The following SDK2 variants were observed in gnomAD, a reference collection of about 807,000 sequenced individuals.
SDK2 encodes the protein protein sidekick-2.
In SDK2, 105 loss-of-function variants were observed where a neutral mutation model predicts 253.9. The ratio of observed to expected loss-of-function variants is 0.41; its 90% CI spans 0.35 to 0.49. The LOEUF is 0.49. Among genes scored for constraint, SDK2 ranks in the 20% least tolerant of loss-of-function variants. The probability of loss-of-function intolerance (pLI) is 0.06; values close to 1 mark genes in which losing one functional copy is unlikely to be tolerated. For synonymous variants in SDK2, 1,249 were observed against 1,234.9 expected, an observed-to-expected ratio of 1.01 and a Z score of -0.24; for missense variants, 2,608 against 3,003.0, an observed-to-expected ratio of 0.87 and a Z score of 3.07.
At chr17:73,375,766 G>T (rs2062773289) in intron 36 of SDK2, among the ~76,000 whole-genome samples, 1 of 151,600 alleles carries the variant, frequency 6.6e-6, no homozygotes, top group Non-Finnish European at 1.5e-5. Context: ...TGAGGTGGGA[G>T]AATCACTTGA....
chr17:73,638,717 A>C (rs1469063532), intron 1 of SDK2, among the ~76,000 whole-genome samples: 1 of 152,148 alleles, frequency 6.6e-6, no homozygotes, highest in Non-Finnish European at 1.5e-5. Context: ...ACACATTATA[A>C]GAACTTAACA....
rs137921116 is a variant in SDK2 at position 73,401,187 on chromosome 17, T to C, written c.2804A>G (p.Tyr935Cys). ...GGTCACACGGGTGTTGGTTCGATTG[T>C]ACTCCTCCCAGGAGATCCGGTACCC... ...LTGYRISWEE[Y>C]NRTNTRVTHY... The change falls in exon 21 of 45, where the codon TAC (tyrosine) becomes TGC (cysteine). Residue 935 changes from tyrosine to cysteine, a missense_variant. This residue lies in a region of SDK2 where 1,505 missense variants were observed against 1,859.1 expected (regional missense o/e 0.81). Coordinates refer to ENST00000392650, the MANE Select transcript of SDK2 (RefSeq NM_001144952.2). The C allele has an allele frequency of 1.9e-3, 2,904 of 1,554,402 alleles. 4 individuals carry two copies. The highest frequency in any genetic ancestry group is 2.1e-3 in the Non-Finnish European group (2,378 of 1,148,578).
Position 73,436,000 on chromosome 17 carries a change from C to A in SDK2, c.1001-356G>T, listed in dbSNP as rs2063365327. On this transcript the variant is annotated intron_variant, in intron 8 of 44. Coordinates refer to ENST00000392650, the MANE Select transcript of SDK2 (RefSeq NM_001144952.2). This position sits in a 1 kb window ranked among gnomAD's most constrained non-coding sequence, Gnocchi z 5.7. ...AACTCTTGGTTTCAAGCGTTCCTCC[C>A]ACCTCAGCCTCCCAAAGTGCTAGGA... Among the ~76,000 whole-genome samples the A allele has an allele frequency of 6.6e-6, 1 of 152,116 alleles. No individual in the cohort carries two copies. Among genetic ancestry groups the A allele is most frequent in the African/African-American group, 2.4e-5 (1 of 41,420 alleles).
At chr17:73,368,639 A>G (rs1568368634) in intron 36 of SDK2, 46 bp from the exon 37 acceptor site, 1 of 1,450,328 alleles carries the variant, frequency 6.9e-7, no homozygotes, top group East Asian at 2.5e-5. Context: ...AGGGGCAATG[A>G]GAGTCCCTCC....
chr17:73,507,902 C>T (rs949166234), intron 1 of SDK2, among the ~76,000 whole-genome samples: 1 of 152,250 alleles, frequency 6.6e-6, no homozygotes, highest in Non-Finnish European at 1.5e-5. Flanking sequence ...GCATACACAT[C>T]CACTCCATCC....
chr17:73,505,876 GCTGA>G (rs2063931613), intron 2 of SDK2, among the ~76,000 whole-genome samples: 1 of 152,242 alleles, frequency 6.6e-6, no homozygotes. Flanking sequence ...AGGGACAAGG[GCTGA>G]CTGTTTTCAA....
chr17:73,414,831 A>G, intron 17 of SDK2, 72 bp from the exon 18 acceptor site: 1 of 945,494 alleles, frequency 1.1e-6, no homozygotes, highest in Non-Finnish European at 1.7e-6. Flanking sequence ...TCAGTAGAGA[A>G]AACGCAGGGG....
At chr17:73,506,681 G>A (rs2063938194) in intron 2 of SDK2, among the ~76,000 whole-genome samples, 1 of 152,248 alleles carries the variant, frequency 6.6e-6, no homozygotes, top group Non-Finnish European at 1.5e-5. Context: ...CAGGGTTGGA[G>A]CCAATAAAAC....
At position 73,443,714 on chromosome 17, in the gene SDK2, G is replaced by A. The variant is rs1258258432; in HGVS notation, c.614-2791C>T. Among the ~76,000 whole-genome samples the A allele has an allele frequency of 1.3e-5, 2 of 152,198 alleles. No individual in the cohort carries two copies. The highest frequency in any genetic ancestry group is 2.9e-5 in the Non-Finnish European group (2 of 68,036). On this transcript the variant is annotated intron_variant, in intron 5 of 44. Coordinates refer to ENST00000392650, the MANE Select transcript of SDK2 (RefSeq NM_001144952.2). The surrounding 1 kb of genome is among the most constrained non-coding windows in gnomAD (Gnocchi z 4.6). ...GCTGGCACAGTGAGAAAGGGTCCCA[G>A]GGGTGAGGAAGACCTGGGCTCAAAG...
intron 2 of SDK2, among the ~76,000 whole-genome samples, chr17:73,506,233 C>T (rs1276853235): frequency 6.6e-6 from 1 of 152,162 alleles, no homozygotes; most frequent in East Asian, 1.9e-4. Context: ...GCTCTGGCCC[C>T]CAACTGAAAA....
At chr17:73,356,363 C>T (rs550693626) in intron 40 of SDK2, among the ~76,000 whole-genome samples, 30 of 152,300 alleles carry the variant, frequency 2.0e-4, no homozygotes, top group African/African-American at 3.6e-4. Context: ...TGGAATGTCA[C>T]GCTGGGGCTC....
chr17:73,633,742 T>C (rs2046297084), intron 1 of SDK2, among the ~76,000 whole-genome samples: 1 of 152,172 alleles, frequency 6.6e-6, no homozygotes, highest in Non-Finnish European at 1.5e-5. Context: ...TATTAAAAGA[T>C]AATTCAGAAT....
intron 1 of SDK2, among the ~76,000 whole-genome samples, chr17:73,571,637 A>G (rs2045388359): frequency 6.6e-6 from 1 of 152,182 alleles, no homozygotes; most frequent in Non-Finnish European, 1.5e-5. Flanking sequence ...AGGGCCGAGG[A>G]GCTCCGAGAG....
intron 1 of SDK2, among the ~76,000 whole-genome samples, chr17:73,543,898 A>T (rs1426884700): frequency 6.6e-6 from 1 of 152,160 alleles, no homozygotes; most frequent in Non-Finnish European, 1.5e-5. Context: ...CATCACGGGG[A>T]AGAGGCAGTC....
In SDK2 at chr17:73,352,522, G is replaced by A; in HGVS notation, c.5709C>T (p.Val1903=). 2 of 1,613,970 alleles carry A rather than the reference G, an allele frequency of 1.2e-6. No homozygotes were observed. The highest frequency in any genetic ancestry group is 1.7e-6 in the Non-Finnish European group (2 of 1,179,886). ...TGGGGGTGCCGAAACCATAGTCGTT[G>A]ACCGCGATGACCCGGAAGTCATAGC... ...GVSYDFRVIA[V]NDYGFGTPSS... Residue 1903 remains valine, a synonymous_variant, in exon 41 of 45, where the codon GTC becomes GTT. Coordinates refer to ENST00000392650, the MANE Select transcript of SDK2 (RefSeq NM_001144952.2). The surrounding 1 kb of genome is among the most constrained non-coding windows in gnomAD (Gnocchi z 4.1).
chr17:73,487,490 G>GGGAGGGCCA (rs1567801503), intron 2 of SDK2, among the ~76,000 whole-genome samples: 1 of 152,200 alleles, frequency 6.6e-6, no homozygotes, highest in African/African-American at 2.4e-5. Context: ...CAGATGGGGC[G>GGGAGGGCCA]GGAGGGCCAG....
intron 1 of SDK2, among the ~76,000 whole-genome samples, chr17:73,608,258 T>G (rs1291056408): frequency 6.6e-6 from 1 of 151,994 alleles, no homozygotes; most frequent in Non-Finnish European, 1.5e-5. Flanking sequence ...TTCTCTGATG[T>G]GTTTCTCATG....
At position 73,469,985 on chromosome 17, in the gene SDK2, C is replaced by CGT. The variant is rs1187608704; in HGVS notation, c.331+2126_331+2127insAC. 3.9e-3 allele frequency among the ~76,000 whole-genome samples: 362 copies of CGT among 92,844 alleles called. 3 individuals are homozygous for CGT. Among genetic ancestry groups the CGT allele is most frequent in the African/African-American group, 0.011 (280 of 26,494 alleles). The allele number at this position is 92,844 out of a possible 152,430, so 60.9% of individuals were successfully genotyped here. On this transcript the variant is annotated intron_variant, in intron 3 of 44. Transcript: ENST00000392650. Reference sequence around the variant, plus strand: ...ATCCTGAATGGCATTTGCGACTGCGCGCGCGCGCACACACACACACACACA... The same window carrying CGT: ...ATCCTGAATGGCATTTGCGACTGCGCGTGCGCGCGCACACACACACACACACA...
rs187941912 is a variant in SDK2, at chr17:73,577,279, A to G, written c.64+66746T>C. 1.9e-3 allele frequency among the ~76,000 whole-genome samples: 290 copies of G among 152,350 alleles called. 3 individuals are homozygous for G. The highest frequency in any genetic ancestry group is 7.6e-4 in the Non-Finnish European group (52 of 68,044). On this transcript the variant is annotated intron_variant, in intron 1 of 44. Transcript: ENST00000392650. ...AAGTCTTCAGTGGAATTTATCCAAA[A>G]AAACTCTTAAGTGGAATCCATTGGC...
Sources: allele counts gnomAD v4.1 joint callset (sites outside exome capture counted in the v4.1 genomes callset), GRCh38; gene constraint gnomAD v4.1.1; regional missense constraint gnomAD v4.1.1; non-coding constraint Gnocchi (gnomAD v3.1); transcripts MANE v1.5; gene names NCBI Gene and HGNC (gene_info 2026-07-23, HGNC 2026-07-21).